The following FAM169A variants were observed in gnomAD, a reference collection of about 807,000 sequenced individuals.
The protein encoded by FAM169A is family with sequence similarity 169 member A.
FAM169A carries 24 observed loss-of-function variants against 75.7 expected under a neutral mutation model. The observed-to-expected ratio is 0.32, with a 90% confidence interval of 0.23 to 0.45. FAM169A has a LOEUF of 0.45. Among genes scored for constraint, FAM169A ranks in the 20% least tolerant of loss-of-function variants. The probability of loss-of-function intolerance (pLI) is 1.00; values close to 1 mark genes in which losing one functional copy is unlikely to be tolerated. For synonymous variants in FAM169A, 271 were observed against 271.0 expected (o/e 1.00, Z 0.00); for missense variants, 673 against 784.0 (o/e 0.86, Z 1.69).
At chr5:74,793,627 G>A (rs1458106451) in intron 11 of FAM169A, among the ~76,000 whole-genome samples, 4 of 151,986 alleles carry the variant, frequency 2.6e-5, no homozygotes, top group Non-Finnish European at 5.9e-5. Flanking sequence ...TGGATGATGG[G>A]TGCACCAAAA....
chr5:74,827,886 G>C (rs1748119599), intron 5 of FAM169A, among the ~76,000 whole-genome samples: 1 of 151,512 alleles, frequency 6.6e-6, no homozygotes, highest in African/African-American at 2.4e-5. Context: ...GGCTCATCTT[G>C]AACTCCTGAC....
At chr5:74,843,566 GAA>G (rs1006869901) in intron 1 of FAM169A, among the ~76,000 whole-genome samples, 12 of 152,094 alleles carry the variant, frequency 7.9e-5, no homozygotes, top group African/African-American at 2.9e-4. Flanking sequence ...ATTTGGCGGG[GAA>G]AAGACTTTTT....
At chr5:74,851,468 C>T (rs1749443025) in intron 1 of FAM169A, among the ~76,000 whole-genome samples, 1 of 152,152 alleles carries the variant, frequency 6.6e-6, no homozygotes, top group Admixed American at 6.5e-5. Context: ...AATTACCACA[C>T]CCAGGAATGG....
Position 74,781,559 on chromosome 5 carries a change from C to T in FAM169A, c.1914G>A (p.Glu638=). The T allele has an allele frequency of 1.9e-6, 3 of 1,614,154 alleles. No individual in the cohort carries two copies. The highest frequency in any genetic ancestry group is 3.3e-4 in the Middle Eastern group (2 of 6,062). Residue 638 remains glutamate (E), a synonymous_variant, in exon 13 of 13, where the codon GAG becomes GAA. Coordinates refer to ENST00000687041, the MANE Select transcript of FAM169A (RefSeq NM_001376049.1). ...SAEKAVDSSS[E]EIEVEVPVVD... ...CCACAGGCACTTCCACTTCTATTTC[C>T]TCTGAGCTGCTATCCACAGCTTTTT...
chr5:74,780,022 A>G lies in FAM169A; in HGVS notation c.*1438T>C, dbSNP rs561282121. The G allele has an allele frequency of 3.9e-5, 6 of 152,288 alleles. No individual in the cohort carries two copies. The highest frequency in any genetic ancestry group is 1.4e-4 in the African/African-American group (6 of 41,516). The allele number at this position is 152,288 out of a possible 1,614,324, so 9.4% of individuals were successfully genotyped here. On this transcript the variant is annotated 3_prime_UTR_variant, in exon 13 of 13. Transcript: ENST00000687041. Reference sequence around the variant, plus strand: ...AACTTAAGTGCAAATTTGAGTACACATAATATTTCCAAAGAGTAGAACTGT... The same window carrying G: ...AACTTAAGTGCAAATTTGAGTACACGTAATATTTCCAAAGAGTAGAACTGT...
chr5:74,810,330 G>A (rs1747110152), intron 6 of FAM169A, among the ~76,000 whole-genome samples: 2 of 152,090 alleles, frequency 1.3e-5, no homozygotes, highest in South Asian at 4.1e-4. Flanking sequence ...GAAGCCGGGG[G>A]ACTGGTGCAC....
At position 74,840,132 on chromosome 5, in the gene FAM169A, A is replaced by G. The variant is rs547671379; in HGVS notation, c.174T>C (p.Tyr58=). 9 of 1,601,314 alleles carry G rather than the reference A, an allele frequency of 5.6e-6. No homozygotes were observed. The African/African-American group carries it at 1.1e-4, about 19-fold the overall frequency. Residue 58 remains tyrosine (Y), a synonymous_variant, in exon 3 of 13, where the codon TAT becomes TAC. Coordinates refer to ENST00000687041, the MANE Select transcript of FAM169A (RefSeq NM_001376049.1). ...GAATTTTCTGGGTCTGATCTCCACCATAAAGAGGTACAAAGCCTACATTTG... is the reference window on the plus strand; with the variant it reads ...GAATTTTCTGGGTCTGATCTCCACCGTAAAGAGGTACAAAGCCTACATTTG... The part of the protein sequence containing the change: ...SLSNVGFVPL[Y]GGDQTQKILA...
intron 5 of FAM169A, 89 bp from the exon 6 acceptor site, chr5:74,814,108 A>G: frequency 1.8e-6 from 2 of 1,131,094 alleles, no homozygotes; most frequent in Non-Finnish European, 2.4e-6. Context: ...CTTTCTAAAA[A>G]AAGTTTTCTT....
chr5:74,791,386 T>C (rs1745966937), intron 11 of FAM169A, among the ~76,000 whole-genome samples: 1 of 152,170 alleles, frequency 6.6e-6, no homozygotes, highest in Non-Finnish European at 1.5e-5. Flanking sequence ...TTGCTTCCTG[T>C]CCCCATGACA....
chr5:74,804,135 A>C (rs573994274), intron 8 of FAM169A, among the ~76,000 whole-genome samples: 28 of 152,242 alleles, frequency 1.8e-4, no homozygotes, highest in African/African-American at 3.6e-4. Context: ...ATAAAAATAC[A>C]ATATATACAG....
intron 4 of FAM169A, among the ~76,000 whole-genome samples, chr5:74,837,736 C>T (rs1194537664): frequency 1.3e-5 from 2 of 152,012 alleles, no homozygotes; most frequent in Non-Finnish European, 2.9e-5. Context: ...TGGAACCCTG[C>T]GAATCTGACA....
chr5:74,853,273 CTGA>C (rs1416363447), intron 1 of FAM169A, among the ~76,000 whole-genome samples: 4 of 152,268 alleles, frequency 2.6e-5, no homozygotes, highest in East Asian at 1.9e-4. Flanking sequence ...AATGTATTTT[CTGA>C]TGATAATAAC....
At chr5:74,827,837 AT>A (rs367577123) in intron 5 of FAM169A, among the ~76,000 whole-genome samples, 3 of 150,166 alleles carry the variant, frequency 2.0e-5, no homozygotes, top group Non-Finnish European at 1.5e-5. Flanking sequence ...TAATTTTTGT[AT>A]TTTTTTTTGT....
At chr5:74,822,632 A>G (rs1747820598) in intron 5 of FAM169A, among the ~76,000 whole-genome samples, 1 of 152,162 alleles carries the variant, frequency 6.6e-6, no homozygotes, top group South Asian at 2.1e-4. Context: ...CACTCACTTT[A>G]TACAACAGTT....
At chr5:74,801,131 A>C in intron 9 of FAM169A, 101 bp from the exon 10 acceptor site, 1 of 847,266 alleles carries the variant, frequency 1.2e-6, no homozygotes. Flanking sequence ...GTTTACACAT[A>C]TCCTCCACAT....
At chr5:74,859,904 G>A (rs1453304084) in intron 1 of FAM169A, among the ~76,000 whole-genome samples, 3 of 151,998 alleles carry the variant, frequency 2.0e-5, no homozygotes, top group African/African-American at 4.8e-5. Context: ...ACATGGGGTG[G>A]GTGTAGAGAG....
In FAM169A at chr5:74,785,713, G is replaced by A. The variant is rs377293083; in HGVS notation, c.1261-2579C>T. ...GGAGGTGGAGGTTGTAGTGAGCTGA[G>A]TTCGTGCCACTGCACTCCAGCCTGC... On this transcript the variant is annotated intron_variant, in intron 11 of 12. Coordinates refer to ENST00000687041, the MANE Select transcript of FAM169A (RefSeq NM_001376049.1). Among the ~76,000 whole-genome samples, 127 of 152,330 alleles carry A rather than the reference G, an allele frequency of 8.3e-4. 4 individuals carry two copies. In the South Asian group the frequency reaches 0.025, roughly 30 times the overall value.
At chr5:74,832,857 G>C (rs539788567) in intron 5 of FAM169A, among the ~76,000 whole-genome samples, 1 of 151,822 alleles carries the variant, frequency 6.6e-6, no homozygotes, top group Non-Finnish European at 1.5e-5. Context: ...CTGGTACAAC[G>C]GGGAAAGAAC....
chr5:74,827,601 A>C (rs892144723), intron 5 of FAM169A, among the ~76,000 whole-genome samples: 1 of 152,022 alleles, frequency 6.6e-6, no homozygotes, highest in Admixed American at 6.6e-5. Flanking sequence ...CGGGAAAACT[A>C]ATTACTAAGC....
Sources: allele counts gnomAD v4.1 joint callset (sites outside exome capture counted in the v4.1 genomes callset), GRCh38; gene constraint gnomAD v4.1.1; transcripts MANE v1.5; gene names NCBI Gene and HGNC (gene_info 2026-07-23, HGNC 2026-07-21).